Variants in CEP112 observed in about 807,000 individuals in gnomAD.
CEP112 encodes centrosomal protein 112, also known as centrosomal protein of 112 kDa.
CEP112 carries 127 observed loss-of-function variants against 153.0 expected under a neutral mutation model. The observed-to-expected ratio is 0.83, with a 90% CI of 0.72 to 0.96. The LOEUF (loss-of-function observed/expected upper bound fraction) is 0.96, where lower values mean the gene tolerates loss of function less well. Among genes scored for constraint, CEP112 ranks in the 40% least tolerant of loss-of-function variants. The probability of loss-of-function intolerance (pLI) is 0.00; values close to 1 mark genes in which losing one functional copy is unlikely to be tolerated. For missense variants in CEP112, 1,089 were observed against 1,101.2 expected, an observed-to-expected ratio of 0.99 and a Z score of 0.16; for synonymous variants, 358 against 374.4, an observed-to-expected ratio of 0.96 and a Z score of 0.51.
At chr17:65,813,467 T>C (rs1193902819) in intron 21 of CEP112, among the ~76,000 whole-genome samples, 2 of 152,224 alleles carry the variant, frequency 1.3e-5, no homozygotes, top group Non-Finnish European at 2.9e-5. Context: ...TTCTATCTTT[T>C]GCTCATAGTG....
chr17:66,147,355 T>G (rs1292682116), intron 4 of CEP112, among the ~76,000 whole-genome samples: 7 of 152,262 alleles, frequency 4.6e-5, no homozygotes, highest in Non-Finnish European at 8.8e-5. Context: ...GTTTTTTTTA[T>G]TGTTGTTGAG....
intron 17 of CEP112, among the ~76,000 whole-genome samples, chr17:65,995,434 C>T (rs1353352202): frequency 6.6e-6 from 1 of 152,132 alleles, no homozygotes; most frequent in Non-Finnish European, 1.5e-5. Context: ...TAGATGTTCT[C>T]CAGATAGCGG....
chr17:65,786,159 A>G (rs2054264471), intron 21 of CEP112, among the ~76,000 whole-genome samples: 1 of 152,152 alleles, frequency 6.6e-6, no homozygotes, highest in Non-Finnish European at 1.5e-5. Context: ...ATTCCTAAGT[A>G]TTTAATTATT....
intron 4 of CEP112, among the ~76,000 whole-genome samples, chr17:66,153,048 C>CG (rs1397247468): frequency 1.3e-5 from 2 of 151,930 alleles, no homozygotes; most frequent in African/African-American, 2.4e-5. Context: ...TTGATGAGGA[C>CG]GTGAAGAGAC....
intron 24 of CEP112, among the ~76,000 whole-genome samples, chr17:65,641,737 CTTTTT>C (rs2045146741): frequency 6.6e-6 from 1 of 152,078 alleles, no homozygotes; most frequent in Non-Finnish European, 1.5e-5. Flanking sequence ...CAGAGTAAGA[CTTTTT>C]CCACCAAAAC....
chr17:65,697,428 A>C (rs911223454), intron 23 of CEP112, among the ~76,000 whole-genome samples: 5 of 152,242 alleles, frequency 3.3e-5, no homozygotes, highest in Middle Eastern at 3.2e-3. Flanking sequence ...GTAAATTGAC[A>C]CCGAAACAGT....
At chr17:65,854,814 G>A (rs2058073219) in intron 20 of CEP112, among the ~76,000 whole-genome samples, 1 of 152,088 alleles carries the variant, frequency 6.6e-6, no homozygotes, top group Middle Eastern at 3.2e-3. Context: ...TTTACCTTTT[G>A]TTCTTTGTTT....
At chr17:66,138,360 A>T (rs1243588066) in intron 4 of CEP112, among the ~76,000 whole-genome samples, 2 of 152,306 alleles carry the variant, frequency 1.3e-5, no homozygotes, top group East Asian at 1.9e-4. Flanking sequence ...ACTATCTGGG[A>T]TACCTGATGG....
rs75087891 is a variant in CEP112 at position 66,084,825 on chromosome 17, T to C, written c.768+11426A>G. Among the ~76,000 whole-genome samples the C allele has an allele frequency of 5.0e-3, 755 of 152,322 alleles. 8 individuals are homozygous for C. The highest frequency in any genetic ancestry group is 0.017 in the African/African-American group (721 of 41,574). ...AACAACTAAATGAGTATAGATTGTT[T>C]GTAACACAAAGGATAAATGCTTAAG... On this transcript the variant is annotated intron_variant, in intron 8 of 26. Transcript: ENST00000535342.
chr17:66,010,662 C>T (rs1402812870), intron 16 of CEP112, among the ~76,000 whole-genome samples: 1 of 152,056 alleles, frequency 6.6e-6, no homozygotes, highest in African/African-American at 2.4e-5. Context: ...GGGTTTTTAA[C>T]ATGAAGAGAT....
intron 21 of CEP112, among the ~76,000 whole-genome samples, chr17:65,800,453 A>C (rs2055197463): frequency 6.6e-6 from 1 of 152,118 alleles, no homozygotes; most frequent in Non-Finnish European, 1.5e-5. Flanking sequence ...ATTACTTTTT[A>C]CAGCTGAGTA....
chr17:66,142,980 G>A (rs1162890970), intron 4 of CEP112, among the ~76,000 whole-genome samples: 2 of 152,124 alleles, frequency 1.3e-5, no homozygotes, highest in Non-Finnish European at 2.9e-5. Flanking sequence ...ATGAGCACAG[G>A]ATATCTTTCC....
chr17:66,107,201 A>G (rs2068820860), intron 6 of CEP112, among the ~76,000 whole-genome samples: 1 of 152,176 alleles, frequency 6.6e-6, no homozygotes. Flanking sequence ...TTGAACAGGA[A>G]AAACTGAAAG....
intron 21 of CEP112, among the ~76,000 whole-genome samples, chr17:65,796,299 C>T (rs1294374711): frequency 6.6e-6 from 1 of 152,154 alleles, no homozygotes; most frequent in East Asian, 1.9e-4. Context: ...TTCTCTGAAA[C>T]CCTTATAAGA....
intron 12 of CEP112, among the ~76,000 whole-genome samples, chr17:66,044,699 A>G (rs777953533): frequency 6.6e-5 from 10 of 152,222 alleles, no homozygotes; most frequent in Non-Finnish European, 1.3e-4. Flanking sequence ...GAACTGAATA[A>G]AGACGGCAAA....
intron 18 of CEP112, among the ~76,000 whole-genome samples, chr17:65,960,545 A>G (rs996723532): frequency 2.0e-5 from 3 of 152,188 alleles, no homozygotes; most frequent in African/African-American, 4.8e-5. Flanking sequence ...CTCATATAAA[A>G]TGGTCTAGTA....
intron 12 of CEP112, among the ~76,000 whole-genome samples, chr17:66,039,309 C>T (rs570310646): frequency 2.6e-5 from 4 of 152,130 alleles, no homozygotes; most frequent in South Asian, 2.1e-4. Context: ...AAACTTAATT[C>T]GAAACCTTGT....
At chr17:66,080,536 A>C (rs1043264579) in intron 8 of CEP112, among the ~76,000 whole-genome samples, 1 of 152,222 alleles carries the variant, frequency 6.6e-6, no homozygotes, top group African/African-American at 2.4e-5. Context: ...GGATGTGGAG[A>C]AATAGGGACA....
chr17:65,646,442 A>T (rs896875531), intron 24 of CEP112, among the ~76,000 whole-genome samples: 37 of 152,240 alleles, frequency 2.4e-4, no homozygotes, highest in Admixed American at 2.0e-4. Context: ...GAATCCTGTT[A>T]CTTCAATAAA....
Sources: allele counts gnomAD v4.1 joint callset (sites outside exome capture counted in the v4.1 genomes callset), GRCh38; gene constraint gnomAD v4.1.1; transcripts MANE v1.5; gene names NCBI Gene and HGNC (gene_info 2026-07-23, HGNC 2026-07-21).